Variants in HCN1 observed in about 807,000 individuals in gnomAD.
The protein encoded by HCN1 is hyperpolarization activated cyclic nucleotide gated potassium channel 1.
Under a neutral mutation model 78.9 loss-of-function variants are expected in HCN1, and 13 were observed. That is an observed-to-expected ratio of 0.16 (90% confidence interval 0.11 to 0.26). The LOEUF (loss-of-function observed/expected upper bound fraction) is 0.26. HCN1 is among the 10% of genes least tolerant of loss of function. HCN1 has a pLI of 1.00. For missense variants in HCN1, 810 were observed against 1,154.3 expected (o/e 0.70, Z 4.32); for synonymous variants, 552 against 455.5 (o/e 1.21, Z -2.70).
chr5:45,644,770 T>C (rs774915321), intron 2 of HCN1: 9 of 179,956 alleles, frequency 5.0e-5, no homozygotes, highest in Non-Finnish European at 1.0e-4. Context: ...TATTAGAGGA[T>C]ACAAAAACCA....
At chr5:45,356,725 A>G (rs1747013433) in intron 4 of HCN1, among the ~76,000 whole-genome samples, 1 of 151,980 alleles carries the variant, frequency 6.6e-6, no homozygotes, top group African/African-American at 2.4e-5. Context: ...TAACTCTAAG[A>G]TACTTTACCA....
At position 45,319,433 on chromosome 5, in the gene HCN1, G is replaced by A. The variant is rs1029213392; in HGVS notation, c.1378-15594C>T. Among the ~76,000 whole-genome samples the A allele has an allele frequency of 2.0e-5, 3 of 151,674 alleles. No homozygotes were observed. The Admixed American group carries it at 2.0e-4, about 10-fold the overall frequency. ...TTTTGCACTTGTGTTTTTTCTTATTGTAGTTTTAATATGCATTTTCCCATG... is the reference window on the plus strand; with the variant it reads ...TTTTGCACTTGTGTTTTTTCTTATTATAGTTTTAATATGCATTTTCCCATG... On this transcript the variant is annotated intron_variant, in intron 5 of 7. Transcript: ENST00000303230.
chr5:45,646,023 G>A (rs1457082039), intron 1 of HCN1, among the ~76,000 whole-genome samples: 1 of 151,742 alleles, frequency 6.6e-6, no homozygotes, highest in East Asian at 1.9e-4. Context: ...AATTATTTTA[G>A]ATGTCAATTT....
intron 2 of HCN1, among the ~76,000 whole-genome samples, chr5:45,591,815 TTATTTCA>T (rs1744370435): frequency 6.6e-6 from 1 of 152,204 alleles, no homozygotes; most frequent in Non-Finnish European, 1.5e-5. Flanking sequence ...TATCAATTGT[TTATTTCA>T]TAGACTGTGC....
chr5:45,276,188 A>T (rs148544519), intron 6 of HCN1, among the ~76,000 whole-genome samples: 1 of 152,240 alleles, frequency 6.6e-6, no homozygotes, highest in Non-Finnish European at 1.5e-5. Context: ...TCTCCAAAAT[A>T]TTTCCCTTGA....
In HCN1 at chr5:45,422,117, A is replaced by G. The variant is rs539449727; in HGVS notation, c.1012-25407T>C. The stretch of plus-strand genomic sequence containing the variant: ...TGCCCATGTGTGGAAGAAAGGAATA[A>G]AAACACAGAGATGACAACAAGAATC... On this transcript the variant is annotated intron_variant, in intron 3 of 7. Transcript: ENST00000303230. Among the ~76,000 whole-genome samples the G allele has an allele frequency of 7.0e-4, 106 of 152,294 alleles. 1 individual carries two copies. The highest frequency in any genetic ancestry group is 6.8e-3 in the Admixed American group (104 of 15,302).
intron 3 of HCN1, among the ~76,000 whole-genome samples, chr5:45,406,596 T>C (rs1290037908): frequency 6.6e-6 from 1 of 152,164 alleles, no homozygotes; most frequent in East Asian, 1.9e-4. Flanking sequence ...CCAAAGACCA[T>C]AGCCATTTAT....
intron 2 of HCN1, among the ~76,000 whole-genome samples, chr5:45,549,281 A>C (rs1044591568): frequency 1.8e-4 from 28 of 152,178 alleles, no homozygotes; most frequent in African/African-American, 6.8e-4. Context: ...ACAGCATGGT[A>C]CTGGTACCAA....
chr5:45,651,083 G>T (rs1745668747), intron 1 of HCN1, among the ~76,000 whole-genome samples: 1 of 151,924 alleles, frequency 6.6e-6, no homozygotes, highest in Non-Finnish European at 1.5e-5. Context: ...TCATTGAGCA[G>T]AATTGAATAA....
intron 1 of HCN1, among the ~76,000 whole-genome samples, chr5:45,668,389 ATCTC>A (rs199833479): frequency 6.6e-6 from 1 of 151,438 alleles, no homozygotes; most frequent in African/African-American, 2.4e-5. Context: ...TCCTCCCTCA[ATCTC>A]TCTCTCCTGC....
At chr5:45,318,306 T>C (rs554202676) in intron 5 of HCN1, among the ~76,000 whole-genome samples, 5 of 151,958 alleles carry the variant, frequency 3.3e-5, no homozygotes, top group African/African-American at 1.2e-4. Flanking sequence ...TAGAAAACTA[T>C]CGCAAGGACA....
chr5:45,372,002 A>ATT (rs202098650), intron 4 of HCN1, among the ~76,000 whole-genome samples: 75,741 of 75,894 alleles, frequency 1, 37,797 homozygotes, highest in Non-Finnish European at 1. Context: ...TAATATATAT[A>ATT]GTATATATCA....
chr5:45,592,103 C>A (rs1744376649), intron 2 of HCN1, among the ~76,000 whole-genome samples: 3 of 152,006 alleles, frequency 2.0e-5, no homozygotes, highest in Admixed American at 2.0e-4. Context: ...AATTACTTGA[C>A]TCTATGTAGG....
At chr5:45,565,554 G>A (rs184477764) in intron 2 of HCN1, among the ~76,000 whole-genome samples, 18 of 152,190 alleles carry the variant, frequency 1.2e-4, no homozygotes, top group African/African-American at 3.9e-4. Flanking sequence ...CTGGCACGGT[G>A]GCTTGCACCT....
chr5:45,568,410 A>T (rs560483538), intron 2 of HCN1, among the ~76,000 whole-genome samples: 1 of 152,224 alleles, frequency 6.6e-6, no homozygotes, highest in East Asian at 1.9e-4. Flanking sequence ...AAATTTGAAA[A>T]AAAAAGCATA....
At chr5:45,460,903 A>G (rs924086804) in intron 3 of HCN1, among the ~76,000 whole-genome samples, 1 of 152,020 alleles carries the variant, frequency 6.6e-6, no homozygotes, top group African/African-American at 2.4e-5. Context: ...AATCAATAGT[A>G]GAACAGTTTG....
At chr5:45,494,543 T>C (rs865821641) in intron 2 of HCN1, among the ~76,000 whole-genome samples, 1 of 152,012 alleles carries the variant, frequency 6.6e-6, no homozygotes, top group Non-Finnish European at 1.5e-5. Flanking sequence ...TCTCCCATTT[T>C]GTGGGTTGCC....
At chr5:45,538,840 C>G (rs1486410147) in intron 2 of HCN1, among the ~76,000 whole-genome samples, 1 of 152,130 alleles carries the variant, frequency 6.6e-6, no homozygotes, top group Non-Finnish European at 1.5e-5. Flanking sequence ...CACTCAAAAA[C>G]AATTTTAAAG....
chr5:45,358,377 C>T (rs1747044994), intron 4 of HCN1, among the ~76,000 whole-genome samples: 1 of 151,990 alleles, frequency 6.6e-6, no homozygotes, highest in Non-Finnish European at 1.5e-5. Flanking sequence ...AACTGAAACA[C>T]CTTAGTTTAT....
Sources: gnomAD v4.1 joint callset for allele counts (sites outside exome capture counted in the v4.1 genomes callset) on GRCh38, gnomAD v4.1.1 for gene constraint, MANE v1.5 for transcripts, NCBI Gene and HGNC (gene_info 2026-07-23, HGNC 2026-07-21) for gene names.